Variants in NCAM1 observed in about 807,000 individuals in gnomAD.
The protein encoded by NCAM1 is antigen recognized by monoclonal antibody 5.1H11.
A neutral mutation model predicts 109.8 loss-of-function variants in NCAM1; 14 were observed. The observed-to-expected ratio is 0.13, with a 90% CI of 0.08 to 0.20. NCAM1 has a LOEUF of 0.20. Ranked by LOEUF, NCAM1 falls within the 10% of genes least tolerant of loss-of-function variation. The pLI is 1.00. For missense variants in NCAM1, 774 were observed against 1,109.9 expected (o/e 0.70, Z 4.30); for synonymous variants, 418 against 442.9 (o/e 0.94, Z 0.70).
intron 1 of NCAM1, among the ~76,000 whole-genome samples, chr11:113,069,457 G>C (rs1591299377): frequency 6.6e-6 from 1 of 152,244 alleles, no homozygotes; most frequent in East Asian, 1.9e-4. Context: ...GTGACATACT[G>C]ATTAGGTTGC....
intron 1 of NCAM1, among the ~76,000 whole-genome samples, chr11:113,138,768 A>G (rs782068026): frequency 6.6e-6 from 1 of 152,190 alleles, no homozygotes; most frequent in Non-Finnish European, 1.5e-5. Context: ...GGAACAATGT[A>G]TTTTCCACAC....
intron 1 of NCAM1, among the ~76,000 whole-genome samples, chr11:113,023,035 T>C (rs1458162456): frequency 1.3e-5 from 2 of 152,214 alleles, no homozygotes; most frequent in East Asian, 3.8e-4. Context: ...TGAGTAGCAG[T>C]ATACCTCACT....
chr11:113,220,934 C>G (rs1555115170), intron 8 of NCAM1, among the ~76,000 whole-genome samples: 1 of 152,064 alleles, frequency 6.6e-6, no homozygotes. Flanking sequence ...TCTTAAGTGT[C>G]TCTAGATAAT....
intron 1 of NCAM1, among the ~76,000 whole-genome samples, chr11:113,098,997 G>C (rs1191397952): frequency 6.6e-6 from 1 of 152,180 alleles, no homozygotes; most frequent in Non-Finnish European, 1.5e-5. Flanking sequence ...GTATCTCTCA[G>C]TGACAGTAGT....
At chr11:113,080,304 C>T (rs1428469176) in intron 1 of NCAM1, among the ~76,000 whole-genome samples, 17 of 152,066 alleles carry the variant, frequency 1.1e-4, no homozygotes, top group Non-Finnish European at 2.4e-4. Context: ...TATATCTTTC[C>T]CCAAAGTCTG....
intron 1 of NCAM1, among the ~76,000 whole-genome samples, chr11:112,969,610 G>A (rs1319714584): frequency 1.3e-5 from 2 of 152,082 alleles, no homozygotes; most frequent in Non-Finnish European, 2.9e-5. Context: ...CACTTCCCTT[G>A]TGGGTCTTGG....
chr11:113,264,435 C>T, intron 17 of NCAM1: 1 of 985,452 alleles, frequency 1.0e-6, no homozygotes, highest in Non-Finnish European at 1.2e-6. Flanking sequence ...CAGGGTAGTG[C>T]CTCTCAACCC....
intron 1 of NCAM1, among the ~76,000 whole-genome samples, chr11:113,011,323 T>G (rs1442747741): frequency 6.0e-5 from 9 of 150,186 alleles, no homozygotes; most frequent in African/African-American, 2.2e-4. Context: ...TAGTATTCCA[T>G]GGTGTATATG....
intron 1 of NCAM1, among the ~76,000 whole-genome samples, chr11:113,172,943 GT>G: frequency 6.6e-6 from 1 of 152,322 alleles, no homozygotes; most frequent in South Asian, 2.1e-4. Flanking sequence ...ATGTCGAATA[GT>G]TTTTCCCATG....
chr11:112,988,911 C>A (rs1268475035), intron 1 of NCAM1, among the ~76,000 whole-genome samples: 1 of 152,026 alleles, frequency 6.6e-6, no homozygotes, highest in Non-Finnish European at 1.5e-5. Flanking sequence ...CCACACCTGG[C>A]CAATTTTTAT....
chr11:113,082,331 A>G (rs1938861639), intron 1 of NCAM1, among the ~76,000 whole-genome samples: 1 of 152,196 alleles, frequency 6.6e-6, no homozygotes, highest in Admixed American at 6.5e-5. Context: ...ATGCCCATAG[A>G]CTTGTACGTG....
intron 1 of NCAM1, among the ~76,000 whole-genome samples, chr11:112,974,957 G>A (rs530429109): frequency 9.9e-5 from 15 of 151,998 alleles, no homozygotes; most frequent in African/African-American, 3.1e-4. Flanking sequence ...AGTCCAAAGC[G>A]GGCTTTTAAA....
At chr11:113,096,555 C>T (rs782789990) in intron 1 of NCAM1, among the ~76,000 whole-genome samples, 9 of 152,098 alleles carry the variant, frequency 5.9e-5, no homozygotes, top group Admixed American at 1.3e-4. Flanking sequence ...GGAAATTGAA[C>T]CCTGAGTATG....
chr11:113,129,286 C>T (rs540925777), intron 1 of NCAM1, among the ~76,000 whole-genome samples: 1 of 152,270 alleles, frequency 6.6e-6, no homozygotes, highest in East Asian at 1.9e-4. Flanking sequence ...AGCTTGGTAT[C>T]TTAGGGCCAA....
chr11:112,991,117 T>G lies in NCAM1; in HGVS notation c.52+29453T>G, dbSNP rs1951446678. On this transcript the variant is annotated intron_variant, in intron 1 of 19. Transcript: ENST00000316851. ...TTCTTATTCAATTTTTACATTAGTA[T>G]TTTAGGTAGAATGCCATTATAGGTG... Among the ~76,000 whole-genome samples, 3 of 152,246 alleles carry G rather than the reference T, an allele frequency of 2.0e-5. No homozygotes were observed. The South Asian group carries it at 6.2e-4, about 32-fold the overall frequency.
chr11:113,073,214 A>C (rs1555085595), intron 1 of NCAM1, among the ~76,000 whole-genome samples: 1 of 152,190 alleles, frequency 6.6e-6, no homozygotes, highest in African/African-American at 2.4e-5. Flanking sequence ...TTAAATGTAT[A>C]GGCCACATTT....
chr11:113,048,802 T>C (rs1296429334), intron 1 of NCAM1, among the ~76,000 whole-genome samples: 2 of 152,186 alleles, frequency 1.3e-5, no homozygotes, highest in African/African-American at 2.4e-5. Flanking sequence ...AATGAGATAA[T>C]GTAAAGCTTC....
chr11:113,017,140 T>C (rs192878099), intron 1 of NCAM1, among the ~76,000 whole-genome samples: 41 of 152,276 alleles, frequency 2.7e-4, no homozygotes, highest in African/African-American at 9.6e-4. Context: ...GCAGTTTCCA[T>C]GAGGTAGAAG....
chr11:112,985,421 T>C (rs913594952), intron 1 of NCAM1, among the ~76,000 whole-genome samples: 33 of 151,954 alleles, frequency 2.2e-4, no homozygotes, highest in African/African-American at 8.0e-4. Context: ...TTTCTTATTT[T>C]TGTAGAAAAT....
Sources: gnomAD v4.1 joint callset for allele counts (sites outside exome capture counted in the v4.1 genomes callset) on GRCh38, gnomAD v4.1.1 for gene constraint, MANE v1.5 for transcripts, NCBI Gene and HGNC (gene_info 2026-07-23, HGNC 2026-07-21) for gene names.